MAEL: variants seen among roughly 807,000 people sequenced by gnomAD.
MAEL encodes protein maelstrom homolog.
Under a neutral mutation model 62.0 loss-of-function variants are expected in MAEL, and 46 were observed. The observed-to-expected ratio is 0.74, with a 90% CI of 0.59 to 0.95. MAEL has a LOEUF of 0.95. Among genes scored for constraint, MAEL ranks in the 40% least tolerant of loss-of-function variants. The pLI, the probability that MAEL is intolerant of heterozygous loss-of-function variation, is 0.00. For missense variants in MAEL, 497 were observed against 526.8 expected (o/e 0.94, Z 0.55); for synonymous variants, 172 against 175.5 (o/e 0.98, Z 0.16).
chr1:167,004,393 G>T (rs1046522126), intron 6 of MAEL, 89 bp downstream of exon 6: 19 of 1,249,308 alleles, frequency 1.5e-5, no homozygotes, highest in Non-Finnish European at 1.8e-5. Flanking sequence ...GTGTATTTTT[G>T]TCTGTATATT....
intron 10 of MAEL, 78 bp from the exon 11 acceptor site, chr1:167,021,007 A>G (rs746510573): frequency 1.7e-5 from 18 of 1,054,264 alleles, no homozygotes; most frequent in Admixed American, 1.3e-4. Flanking sequence ...AAAGAGTAAT[A>G]TGAAATTGAA....
At chr1:166,981,413 AC>A (rs1322689408) in intron 1 of MAEL, among the ~76,000 whole-genome samples, 1 of 152,206 alleles carries the variant, frequency 6.6e-6, no homozygotes, top group African/African-American at 2.4e-5. Flanking sequence ...GAAATTAAAA[AC>A]GAATATGAAT....
Position 167,005,056 on chromosome 1 carries a change from T to C in MAEL, c.649-20T>C. 3.1e-6 allele frequency: 5 copies of C among 1,611,086 alleles called. No individual in the cohort carries two copies. The highest frequency in any genetic ancestry group is 2.7e-5 in the African/African-American group (2 of 74,938). On this transcript the variant is annotated intron_variant, in intron 6 of 11. Coordinates refer to ENST00000367872, the MANE Select transcript of MAEL (RefSeq NM_032858.3). ...ACAAGTAGTTTTTTTGTTTTGTTTTTTGTTTTTTGCTTTCTCCAGTCTGAT... is the reference window on the plus strand; with the variant it reads ...ACAAGTAGTTTTTTTGTTTTGTTTTCTGTTTTTTGCTTTCTCCAGTCTGAT...
chr1:167,021,347 G>A (rs1457559199), intron 11 of MAEL, among the ~76,000 whole-genome samples, 187 bp downstream of exon 11: 1 of 152,080 alleles, frequency 6.6e-6, no homozygotes, highest in Non-Finnish European at 1.5e-5. Context: ...TGGGTCACTT[G>A]GATACATTGT....
At chr1:166,990,864 C>G (rs1251528697) in intron 2 of MAEL, among the ~76,000 whole-genome samples, 1 of 152,130 alleles carries the variant, frequency 6.6e-6, no homozygotes, top group East Asian at 1.9e-4. Context: ...GATTGAAATT[C>G]AAGAGATAGT....
intron 2 of MAEL, 73 bp downstream of exon 2, chr1:166,989,902 T>C: frequency 8.5e-7 from 1 of 1,183,414 alleles, no homozygotes; most frequent in South Asian, 1.4e-5. Flanking sequence ...GATGAGTGAA[T>C]GAGTGAATGT....
Position 167,022,102 on chromosome 1 carries a change from CT to C in MAEL, c.*248del. 2.7e-6 allele frequency: 1 copy of C among 371,202 alleles called. No individual in the cohort carries two copies. Among genetic ancestry groups the C allele is most frequent in the Non-Finnish European group, 4.8e-6 (1 of 207,278 alleles). The allele number at this position is 371,202 out of a possible 1,614,324, so 23.0% of individuals were successfully genotyped here. On this transcript the variant is annotated 3_prime_UTR_variant, in exon 12 of 12. Transcript: ENST00000367872. ...GGGTATATCATTAAAGTTTGGAGTC[CT>C]ATATGAACAAAACTGACATTTTTAG... is the stretch of plus-strand genomic sequence containing the variant.
chr1:167,016,281 T>C lies in MAEL; in HGVS notation c.905T>C (p.Ile302Thr), dbSNP rs1665385117. 2 of 1,613,372 alleles carry C rather than the reference T, an allele frequency of 1.2e-6. No homozygotes were observed. Among genetic ancestry groups the C allele is most frequent in the Non-Finnish European group, 1.7e-6 (2 of 1,179,520 alleles). The change falls in exon 9 of 12, where the codon ATT becomes ACT. Residue 302 changes from isoleucine (I) to threonine (T), a missense_variant. By Grantham distance (89) the Ile-to-Thr change is moderately conservative. Transcript: ENST00000367872. ...LFCALAVCKK[I>T]AYCISNSLAT... The stretch of plus-strand genomic sequence containing the variant: ...TGTGCTTTAGCTGTTTGCAAGAAGA[T>C]TGCGTAAGTTGGGGAAAGGAGTTTC...
intron 5 of MAEL, among the ~76,000 whole-genome samples, chr1:167,000,042 A>G (rs151040977): frequency 3.8e-4 from 58 of 152,234 alleles, no homozygotes; most frequent in African/African-American, 1.3e-3. Flanking sequence ...TCTGGTGGAG[A>G]TGTAAAGAGA....
At chr1:167,016,344 G>A (rs534434342) in intron 9 of MAEL, 60 bp downstream of exon 9, 29 of 1,528,374 alleles carry the variant, frequency 1.9e-5, no homozygotes, top group African/African-American at 5.5e-5. Flanking sequence ...ATTCTGTGCC[G>A]TTTTGCTTGC....
intron 5 of MAEL, among the ~76,000 whole-genome samples, chr1:167,000,174 T>C (rs1664601058): frequency 6.6e-6 from 1 of 152,228 alleles, no homozygotes; most frequent in South Asian, 2.1e-4. Flanking sequence ...CTGTCATAAA[T>C]GGTGATTCTT....
intron 8 of MAEL, among the ~76,000 whole-genome samples, chr1:167,013,616 ATTC>A (rs1326523460): frequency 6.6e-6 from 1 of 152,044 alleles, no homozygotes; most frequent in Non-Finnish European, 1.5e-5. Context: ...GGATTATCTC[ATTC>A]TTCTGGATTG....
intron 5 of MAEL, among the ~76,000 whole-genome samples, chr1:167,000,063 C>A (rs1202134260): frequency 6.6e-6 from 1 of 152,132 alleles, no homozygotes; most frequent in Non-Finnish European, 1.5e-5. Context: ...TTAATGTTTT[C>A]ATGCCTGCTA....
intron 1 of MAEL, among the ~76,000 whole-genome samples, chr1:166,975,909 G>A (rs1313951967): frequency 2.6e-5 from 4 of 152,122 alleles, no homozygotes; most frequent in Non-Finnish European, 5.9e-5. Context: ...AGCGGCGAGG[G>A]TGGGGGACGG....
At chr1:166,998,218 G>T (rs906741778) in intron 5 of MAEL, among the ~76,000 whole-genome samples, 1 of 152,090 alleles carries the variant, frequency 6.6e-6, no homozygotes, top group Non-Finnish European at 1.5e-5. Flanking sequence ...GGAGAAAACT[G>T]GTATCTTCAT....
chr1:167,020,642 T>C (rs897429472), intron 10 of MAEL, among the ~76,000 whole-genome samples: 2 of 152,154 alleles, frequency 1.3e-5, no homozygotes, highest in African/African-American at 2.4e-5. Context: ...TTTCTACATA[T>C]TCCTACCACT....
chr1:166,979,191 T>G (rs1361664065), intron 1 of MAEL, among the ~76,000 whole-genome samples: 6 of 152,224 alleles, frequency 3.9e-5, no homozygotes, highest in African/African-American at 1.4e-4. Context: ...TATTTCTACT[T>G]CTCCTCTCTG....
At chr1:167,004,750 G>C (rs915270227) in intron 6 of MAEL, among the ~76,000 whole-genome samples, 3 of 152,138 alleles carry the variant, frequency 2.0e-5, no homozygotes, top group Non-Finnish European at 4.4e-5. Flanking sequence ...TTTTAACCTT[G>C]CTACTTAGTA....
At chr1:166,984,001 C>CAAAA (rs5778528) in intron 1 of MAEL, among the ~76,000 whole-genome samples, 1,569 of 117,640 alleles carry the variant, frequency 0.013, 12 homozygotes, top group African/African-American at 0.017. Flanking sequence ...GATCCTGTCT[C>CAAAA]AAAAAAAAAA....
Sources: allele counts gnomAD v4.1 joint callset (sites outside exome capture counted in the v4.1 genomes callset), GRCh38; gene constraint gnomAD v4.1.1; transcripts MANE v1.5; gene names NCBI Gene and HGNC (gene_info 2026-07-23, HGNC 2026-07-21).